The following NKAIN2 variants were observed in gnomAD, a reference collection of about 807,000 sequenced individuals.
NKAIN2 encodes sodium/potassium transporting ATPase interacting 2.
In NKAIN2, 14 loss-of-function variants were observed where a neutral mutation model predicts 32.6. That is an observed-to-expected ratio of 0.43 (90% confidence interval 0.28 to 0.67). The LOEUF is 0.67. Ranked by LOEUF, NKAIN2 falls within the 30% of genes least tolerant of loss-of-function variation. The pLI is 0.17. For synonymous variants in NKAIN2, 80 were observed against 87.2 expected, an observed-to-expected ratio of 0.92 and a Z score of 0.46; for missense variants, 198 against 258.3, an observed-to-expected ratio of 0.77 and a Z score of 1.60.
At chr6:124,527,028 A>G (rs1486485138) in intron 3 of NKAIN2, among the ~76,000 whole-genome samples, 1 of 152,162 alleles carries the variant, frequency 6.6e-6, no homozygotes, top group African/African-American at 2.4e-5. Flanking sequence ...TATGTTACCT[A>G]GAAACCTGGA....
chr6:124,416,855 A>G (rs1437433472), intron 3 of NKAIN2, among the ~76,000 whole-genome samples: 2 of 152,038 alleles, frequency 1.3e-5, no homozygotes, highest in African/African-American at 4.8e-5. Context: ...CTCATCCATC[A>G]GTTATAAGGA....
chr6:124,006,782 T>C (rs181250221), intron 1 of NKAIN2, among the ~76,000 whole-genome samples: 3 of 152,304 alleles, frequency 2.0e-5, no homozygotes, highest in Non-Finnish European at 4.4e-5. Context: ...CTCAACCACA[T>C]GGACTATTAG....
intron 3 of NKAIN2, among the ~76,000 whole-genome samples, chr6:124,486,967 G>A (rs1177919413): frequency 2.0e-5 from 3 of 152,088 alleles, no homozygotes; most frequent in Non-Finnish European, 4.4e-5. Context: ...TACGTTAAGT[G>A]TAAACAGTTG....
At chr6:124,146,963 C>G (rs1361730717) in intron 1 of NKAIN2, among the ~76,000 whole-genome samples, 1 of 152,152 alleles carries the variant, frequency 6.6e-6, no homozygotes, top group Non-Finnish European at 1.5e-5. Context: ...ATCTCCTAAA[C>G]TGGGTGATAG....
chr6:124,635,802 T>C (rs190621651), intron 3 of NKAIN2, among the ~76,000 whole-genome samples: 1 of 152,108 alleles, frequency 6.6e-6, no homozygotes, highest in Non-Finnish European at 1.5e-5. Context: ...GCAAATATTA[T>C]TAGTGCCAAA....
intron 1 of NKAIN2, among the ~76,000 whole-genome samples, chr6:123,870,958 C>A (rs538422216): frequency 4.4e-4 from 67 of 152,072 alleles, no homozygotes; most frequent in Middle Eastern, 3.4e-3. Flanking sequence ...TCAGAAGCAC[C>A]TCTTCAACTC....
intron 3 of NKAIN2, among the ~76,000 whole-genome samples, chr6:124,613,289 C>T (rs1782759398): frequency 6.6e-6 from 1 of 152,152 alleles, no homozygotes; most frequent in Non-Finnish European, 1.5e-5. Context: ...TCATTCAACT[C>T]CCCTTGTTCT....
At chr6:123,962,487 C>G (rs1250015832) in intron 1 of NKAIN2, among the ~76,000 whole-genome samples, 1 of 152,136 alleles carries the variant, frequency 6.6e-6, no homozygotes, top group Admixed American at 6.5e-5. Context: ...ATTGCTGATG[C>G]CTCTTTGAGC....
intron 3 of NKAIN2, among the ~76,000 whole-genome samples, chr6:124,555,586 C>G (rs1386215669): frequency 6.6e-6 from 1 of 152,152 alleles, no homozygotes; most frequent in Non-Finnish European, 1.5e-5. Flanking sequence ...ACTCACGAAT[C>G]CTGTTTTGTA....
chr6:124,628,797 G>C (rs568744864), intron 3 of NKAIN2, among the ~76,000 whole-genome samples: 74 of 151,988 alleles, frequency 4.9e-4, no homozygotes, highest in African/African-American at 1.7e-3. Context: ...TTAGCTTCCA[G>C]GCATAAATTC....
intron 1 of NKAIN2, among the ~76,000 whole-genome samples, chr6:123,989,032 A>C (rs576011348): frequency 6.6e-6 from 1 of 152,226 alleles, no homozygotes; most frequent in African/African-American, 2.4e-5. Flanking sequence ...TTTTAGGAGA[A>C]TTGAACACAT....
intron 1 of NKAIN2, among the ~76,000 whole-genome samples, chr6:123,845,777 AC>A (rs1325622803): frequency 4.6e-5 from 7 of 152,192 alleles, no homozygotes; most frequent in African/African-American, 1.7e-4. Flanking sequence ...ATGACTGTAT[AC>A]CTTATATTTC....
chr6:124,477,551 C>T (rs2114690589), intron 3 of NKAIN2, among the ~76,000 whole-genome samples: 1 of 152,206 alleles, frequency 6.6e-6, no homozygotes, highest in South Asian at 2.1e-4. Flanking sequence ...AGTGGTGGTA[C>T]TCCTGCATCA....
intron 3 of NKAIN2, among the ~76,000 whole-genome samples, chr6:124,606,751 A>G (rs949856362): frequency 9.2e-5 from 14 of 152,172 alleles, no homozygotes; most frequent in African/African-American, 2.9e-4. Flanking sequence ...ATTAAGTAGC[A>G]TCTATACTGA....
intron 1 of NKAIN2, among the ~76,000 whole-genome samples, chr6:124,204,075 C>A (rs1790732438): frequency 6.6e-6 from 1 of 151,796 alleles, no homozygotes; most frequent in African/African-American, 2.4e-5. Context: ...ATGTGTTTTA[C>A]TTTTTGGGCC....
chr6:124,574,746 C>G (rs570427), intron 3 of NKAIN2, among the ~76,000 whole-genome samples: 67,423 of 152,094 alleles, frequency 0.44, 17,918 homozygotes, highest in Non-Finnish European at 0.57. Context: ...CCATCTTGGG[C>G]TACTTAACGT....
At chr6:124,620,772 G>A (rs918492744) in intron 3 of NKAIN2, among the ~76,000 whole-genome samples, 1 of 152,114 alleles carries the variant, frequency 6.6e-6, no homozygotes, top group Non-Finnish European at 1.5e-5. Flanking sequence ...GCTTGGAGGG[G>A]TTTTCACAGA....
chr6:124,381,754 T>C (rs565912539), intron 3 of NKAIN2, among the ~76,000 whole-genome samples: 1 of 152,310 alleles, frequency 6.6e-6, no homozygotes, highest in African/African-American at 2.4e-5. Flanking sequence ...GTTTCTTGTA[T>C]TCTTTAATGA....
At chr6:124,255,670 C>T (rs776653334) in intron 1 of NKAIN2, among the ~76,000 whole-genome samples, 1 of 152,140 alleles carries the variant, frequency 6.6e-6, no homozygotes, top group Non-Finnish European at 1.5e-5. Flanking sequence ...AGCCTATCAC[C>T]GTCAGTGATC....
Sources: allele counts gnomAD v4.1 joint callset (sites outside exome capture counted in the v4.1 genomes callset), GRCh38; gene constraint gnomAD v4.1.1; transcripts MANE v1.5; gene names NCBI Gene and HGNC (gene_info 2026-07-23, HGNC 2026-07-21).